The following SLC44A1 variants were observed in gnomAD, a reference collection of about 807,000 sequenced individuals.
SLC44A1 encodes solute carrier family 44 member 1, also known as choline transporter-like protein 1.
A neutral mutation model predicts 79.3 loss-of-function variants in SLC44A1; 26 were observed. That is an observed-to-expected ratio of 0.33 (90% confidence interval 0.24 to 0.46). The LOEUF (loss-of-function observed/expected upper bound fraction) is 0.46. Among genes scored for constraint, SLC44A1 ranks in the 20% least tolerant of loss-of-function variants. The pLI, the probability that SLC44A1 is intolerant of heterozygous loss-of-function variation, is 1.00. For missense variants in SLC44A1, 688 were observed against 798.1 expected (o/e 0.86, Z 1.66); for synonymous variants, 263 against 286.2 (o/e 0.92, Z 0.82).
At chr9:105,382,883 A>T (rs528764315) in intron 13 of SLC44A1, among the ~76,000 whole-genome samples, 3 of 152,310 alleles carry the variant, frequency 2.0e-5, no homozygotes, top group East Asian at 3.8e-4. Flanking sequence ...CATTTGGAAA[A>T]CTTAATTATG....
chr9:105,324,079 G>A (rs971700876), intron 3 of SLC44A1, among the ~76,000 whole-genome samples: 2 of 152,038 alleles, frequency 1.3e-5, no homozygotes, highest in African/African-American at 4.8e-5. Flanking sequence ...TAGGCTCACT[G>A]CAAGCTCCAC....
At position 105,428,484 on chromosome 9, in the gene SLC44A1, C is replaced by G. The variant is rs2771035; in HGVS notation, c.1951-9797C>G. Among the ~76,000 whole-genome samples the G allele has an allele frequency of 8.6e-3, 1,303 of 152,304 alleles. 9 individuals are homozygous for G. Among genetic ancestry groups the G allele is most frequent in the Non-Finnish European group, 0.013 (885 of 68,014 alleles). ...GTTTAGACTCTGTGATCAACCACAT[C>G]TGGGTTCAGATCCTAGCTCTGCCAT... On this transcript the variant is annotated intron_variant, in intron 15 of 15. Coordinates refer to the SLC44A1 transcript ENST00000374724.
intron 1 of SLC44A1, among the ~76,000 whole-genome samples, chr9:105,245,323 C>T (rs939861832): frequency 3.9e-5 from 6 of 152,250 alleles, no homozygotes. Flanking sequence ...ATCCGCCGCC[C>T]GTTTTCTGTG....
Position 105,253,670 on chromosome 9 carries a change from GCTGCATTGAGCTATGATCGTGC to G in SLC44A1, c.36+8770_36+8791del, listed in dbSNP as rs1338082316. 1.3e-4 allele frequency among the ~76,000 whole-genome samples: 20 copies of G among 152,318 alleles called. No homozygotes were observed. The East Asian group carries it at 3.7e-3, about 28-fold the overall frequency. On this transcript the variant is annotated intron_variant, in intron 1 of 15. Coordinates refer to ENST00000374720, the MANE Select transcript of SLC44A1 (RefSeq NM_080546.5). ...GATCTCTTGAGTCTGGGAGGTTGAG[GCTGCATTGAGCTATGATCGTGC>G]CTGTATTCCGGCCTGGGTGGCAGAG... is the stretch of plus-strand genomic sequence containing the variant.
At chr9:105,273,806 A>G (rs1180929588) in intron 1 of SLC44A1, among the ~76,000 whole-genome samples, 1 of 151,868 alleles carries the variant, frequency 6.6e-6, no homozygotes, top group Non-Finnish European at 1.5e-5. Context: ...CCTCAACAAT[A>G]TGTGTCTGAG....
In SLC44A1 at chr9:105,395,654, G is replaced by T. The variant is rs1209319006; in HGVS notation, c.*6598G>T. ...ATGCCCTTTTGTCACAGAAGTGTAAGACTTAAAGGGAATATTCTGACCTTC... is the reference window on the plus strand; with the variant it reads ...ATGCCCTTTTGTCACAGAAGTGTAATACTTAAAGGGAATATTCTGACCTTC... On this transcript the variant is annotated 3_prime_UTR_variant, in exon 16 of 16. Transcript: ENST00000374720. 4 of 985,200 alleles carry T rather than the reference G, an allele frequency of 4.1e-6. No homozygotes were observed. The highest frequency in any genetic ancestry group is 3.5e-5 in the African/African-American group (2 of 57,226). 61.0% of individuals were successfully genotyped at this position (985,200 alleles called of 1,614,324 possible).
At chr9:105,405,074 C>T (rs1829011154) in intron 15 of SLC44A1, among the ~76,000 whole-genome samples, 1 of 151,012 alleles carries the variant, frequency 6.6e-6, no homozygotes, top group African/African-American at 2.4e-5. Flanking sequence ...AATCCTAGGA[C>T]TTTGGGAGGC....
Position 105,396,775 on chromosome 9 carries a change from G to C in SLC44A1, c.*7719G>C. 1 of 977,964 alleles carries C rather than the reference G, an allele frequency of 1.0e-6. No individual in the cohort carries two copies. Among genetic ancestry groups the C allele is most frequent in the Non-Finnish European group, 1.2e-6 (1 of 827,396 alleles). The allele number at this position is 977,964 out of a possible 1,614,324, so 60.6% of individuals were successfully genotyped here. A position where few individuals can be genotyped will look rare whatever the true frequency, so the allele number is the denominator to read the frequency against. ...TTTCATAGTGCCAAAATGAATTTTTGTATCTTGTCTTGTCTTTGTCCATTA... is the reference window on the plus strand; with the variant it reads ...TTTCATAGTGCCAAAATGAATTTTTCTATCTTGTCTTGTCTTTGTCCATTA... On this transcript the variant is annotated 3_prime_UTR_variant, in exon 16 of 16. Transcript: ENST00000374720.
At chr9:105,296,882 C>G (rs1588748045) in intron 1 of SLC44A1, among the ~76,000 whole-genome samples, 1 of 152,156 alleles carries the variant, frequency 6.6e-6, no homozygotes, top group Non-Finnish European at 1.5e-5. Context: ...CGTTCTTGAT[C>G]ATAGATTTTA....
chr9:105,299,313 A>G lies in SLC44A1; in HGVS notation c.126+4A>G. ...CATCCTCTTCTGCATTGGGATGGTA[A>G]GGAAACTCTCACAGATGGTCCAAAC... On this transcript the variant is annotated splice_donor_region_variant and intron_variant, in intron 2 of 15. Coordinates refer to ENST00000374720, the MANE Select transcript of SLC44A1 (RefSeq NM_080546.5). 1 of 1,570,256 alleles carries G rather than the reference A, an allele frequency of 6.4e-7. No homozygotes were observed. The highest frequency in any genetic ancestry group is 2.4e-5 in the East Asian group (1 of 42,496).
intron 4 of SLC44A1, among the ~76,000 whole-genome samples, chr9:105,340,270 C>T (rs1485566616): frequency 1.3e-5 from 2 of 152,248 alleles, no homozygotes; most frequent in Non-Finnish European, 2.9e-5. Flanking sequence ...GGACATTATG[C>T]GAAGTGAAGT....
intron 9 of SLC44A1, among the ~76,000 whole-genome samples, chr9:105,364,208 T>C (rs1827872979): frequency 1.3e-5 from 2 of 152,270 alleles, no homozygotes; most frequent in Admixed American, 1.3e-4. Flanking sequence ...ATAATTTCTG[T>C]ACTTTGCTAA....
At chr9:105,384,538 G>A (rs1325953225) in intron 14 of SLC44A1, among the ~76,000 whole-genome samples, 1 of 151,736 alleles carries the variant, frequency 6.6e-6, no homozygotes, top group East Asian at 1.9e-4. Flanking sequence ...TGACCTATTT[G>A]GCACTGATTT....
chr9:105,395,599 G>GT lies in SLC44A1; in HGVS notation c.*6544dup, dbSNP rs1356266854. The GT allele has an allele frequency of 6.1e-6, 6 of 985,208 alleles. No homozygotes were observed. The highest frequency in any genetic ancestry group is 7.2e-6 in the Non-Finnish European group (6 of 829,844). 61.0% of individuals were successfully genotyped at this position (985,208 alleles called of 1,614,324 possible). A position where few individuals can be genotyped will look rare whatever the true frequency, so the allele number is the denominator to read the frequency against. ...ATTCCCATGTTGGATAGAAAAGGGCGTAAGTCCAGTCTAAGTATCTAAATG... is the reference window on the plus strand; with the variant it reads ...ATTCCCATGTTGGATAGAAAAGGGCGTTAAGTCCAGTCTAAGTATCTAAATG... On this transcript the variant is annotated 3_prime_UTR_variant, in exon 16 of 16. Coordinates refer to ENST00000374720, the MANE Select transcript of SLC44A1 (RefSeq NM_080546.5).
chr9:105,302,403 G>C (rs1386749204), intron 2 of SLC44A1, among the ~76,000 whole-genome samples: 2 of 150,832 alleles, frequency 1.3e-5, no homozygotes, highest in Non-Finnish European at 2.9e-5. Context: ...ATTCAGGCTA[G>C]AGTGCAGGGT....
rs1276814887 is a variant in SLC44A1, at chr9:105,396,067, T to C, written c.*7011T>C. On this transcript the variant is annotated 3_prime_UTR_variant, in exon 16 of 16. Transcript: ENST00000374720. ...ACTTGGTTTTTGGCCCCTATTGTTT[T>C]TGCCTATTTTGATTTTCAGAGATGA... 16 of 985,298 alleles carry C rather than the reference T, an allele frequency of 1.6e-5. No individual in the cohort carries two copies. Among genetic ancestry groups the C allele is most frequent in the Non-Finnish European group, 1.9e-5 (16 of 829,940 alleles). The allele number at this position is 985,298 out of a possible 1,614,324, so 61.0% of individuals were successfully genotyped here. A position where few individuals can be genotyped will look rare whatever the true frequency, so the allele number is the denominator to read the frequency against.
chr9:105,302,013 A>G (rs896320130), intron 2 of SLC44A1, among the ~76,000 whole-genome samples: 1 of 152,158 alleles, frequency 6.6e-6, no homozygotes, highest in Non-Finnish European at 1.5e-5. Context: ...CATCTCTACC[A>G]TTAAATCTTA....
At chr9:105,254,823 A>G (rs1205099222) in intron 1 of SLC44A1, among the ~76,000 whole-genome samples, 1 of 152,182 alleles carries the variant, frequency 6.6e-6, no homozygotes, top group Non-Finnish European at 1.5e-5. Context: ...CTTGCAGGCC[A>G]TGGTCCTTCA....
intron 3 of SLC44A1, among the ~76,000 whole-genome samples, chr9:105,324,673 A>T (rs1826515093): frequency 6.6e-6 from 1 of 152,210 alleles, no homozygotes; most frequent in South Asian, 2.1e-4. Context: ...CAGAGATCTG[A>T]AAGAAATCTG....
Sources: allele counts gnomAD v4.1 joint callset (sites outside exome capture counted in the v4.1 genomes callset), GRCh38; gene constraint gnomAD v4.1.1; transcripts MANE v1.5; gene names NCBI Gene and HGNC (gene_info 2026-07-23, HGNC 2026-07-21).